The following SCHIP1 variants were observed in gnomAD, a reference collection of about 807,000 sequenced individuals.
SCHIP1 encodes the protein schwannomin interacting protein 1, also known as schwannomin-interacting protein 1.
Under a neutral mutation model 29.7 loss-of-function variants are expected in SCHIP1, and 8 were observed. The observed-to-expected ratio is 0.27, with a 90% CI of 0.16 to 0.49. SCHIP1 has a LOEUF of 0.49. Among genes scored for constraint, SCHIP1 ranks in the 20% least tolerant of loss-of-function variants. The pLI is 0.99. For synonymous variants in SCHIP1, 76 were observed against 94.9 expected, an observed-to-expected ratio of 0.80 and a Z score of 1.16; for missense variants, 193 against 294.6, an observed-to-expected ratio of 0.66 and a Z score of 2.52.
chr3:159,353,803 A>G, the SCHIP1 span, among the ~76,000 whole-genome samples: 1 of 152,196 alleles, frequency 6.6e-6, no homozygotes, highest in Non-Finnish European at 1.5e-5. Context: ...ATTTATTAAT[A>G]TTTATCTTCT....
the SCHIP1 span, among the ~76,000 whole-genome samples, chr3:159,701,894 T>C: frequency 6.6e-6 from 1 of 152,168 alleles, no homozygotes; most frequent in Non-Finnish European, 1.5e-5. Context: ...TAGTGGTTAC[T>C]AGCATGTTCT....
the SCHIP1 span, among the ~76,000 whole-genome samples, chr3:159,299,182 T>A: frequency 2.0e-5 from 3 of 152,202 alleles, no homozygotes; most frequent in African/African-American, 7.2e-5. Flanking sequence ...ACAAACAAGA[T>A]TATTTGGCTG....
the SCHIP1 span, among the ~76,000 whole-genome samples, chr3:159,554,377 G>A: frequency 6.6e-6 from 1 of 152,226 alleles, no homozygotes; most frequent in Non-Finnish European, 1.5e-5. Flanking sequence ...AGAGAAAAGG[G>A]ACTCACCAGC....
the SCHIP1 span, among the ~76,000 whole-genome samples, chr3:159,505,334 A>T: frequency 5.8e-4 from 89 of 152,206 alleles, no homozygotes; most frequent in Non-Finnish European, 1.1e-3. Context: ...TTTCCAAATA[A>T]TTTGGAAAGA....
chr3:159,887,504 GCTCT>G, intron 3 of SCHIP1, 200 bp from the exon 5 acceptor site: 2 of 591,398 alleles, frequency 3.4e-6, no homozygotes, highest in South Asian at 4.2e-5. Flanking sequence ...TAACTATACT[GCTCT>G]CTCTGTTTAT....
At chr3:159,679,412 G>C in the SCHIP1 span, among the ~76,000 whole-genome samples, 6 of 152,324 alleles carry the variant, frequency 3.9e-5, no homozygotes, top group East Asian at 1.9e-4. Flanking sequence ...GTGGGGAAGA[G>C]TAAACAAGTT....
chr3:159,492,281 C>T, the SCHIP1 span, among the ~76,000 whole-genome samples: 2 of 152,154 alleles, frequency 1.3e-5, no homozygotes, highest in Admixed American at 6.5e-5. Flanking sequence ...GAGAAGAAGG[C>T]TTCAGAAGAT....
At chr3:159,675,811 T>G in the SCHIP1 span, among the ~76,000 whole-genome samples, 1 of 152,168 alleles carries the variant, frequency 6.6e-6, no homozygotes, top group Admixed American at 6.5e-5. Context: ...CTTGGAGTCA[T>G]GTTTGGGCTC....
the SCHIP1 span, among the ~76,000 whole-genome samples, chr3:159,507,198 A>G: frequency 9.2e-5 from 14 of 151,974 alleles, no homozygotes; most frequent in Non-Finnish European, 1.5e-4. Flanking sequence ...TTGTAAGTTG[A>G]ATTCCTAGGT....
At chr3:159,803,536 A>G in the SCHIP1 span, among the ~76,000 whole-genome samples, 1 of 152,208 alleles carries the variant, frequency 6.6e-6, no homozygotes, top group African/African-American at 2.4e-5. Flanking sequence ...ACACTGCTTC[A>G]CTACAAATAA....
chr3:159,615,172 TA>T, the SCHIP1 span, among the ~76,000 whole-genome samples: 1 of 152,250 alleles, frequency 6.6e-6, no homozygotes, highest in South Asian at 2.1e-4. Context: ...GACAAATATC[TA>T]GACCCAAAAC....
the SCHIP1 span, among the ~76,000 whole-genome samples, chr3:159,626,146 A>ATC: frequency 7.7e-5 from 9 of 117,052 alleles, no homozygotes; most frequent in African/African-American, 4.5e-4. Flanking sequence ...AGATATATCT[A>ATC]GATATATATA....
the SCHIP1 span, among the ~76,000 whole-genome samples, chr3:159,287,898 A>G: frequency 2.0e-5 from 3 of 152,248 alleles, no homozygotes; most frequent in Non-Finnish European, 4.4e-5. Flanking sequence ...TGAAAATATT[A>G]AATTGTTTTC....
At chr3:159,519,861 GAAA>G in the SCHIP1 span, among the ~76,000 whole-genome samples, 18 of 146,358 alleles carry the variant, frequency 1.2e-4, no homozygotes, top group Admixed American at 6.1e-4. Flanking sequence ...CAGTCATGAA[GAAA>G]AAAAAAATAT....
At chr3:159,805,923 C>G in the SCHIP1 span, among the ~76,000 whole-genome samples, 3 of 151,916 alleles carry the variant, frequency 2.0e-5, no homozygotes, top group Non-Finnish European at 1.5e-5. Context: ...ATTCTCCTGC[C>G]TCAGCGTCCC....
At chr3:159,596,427 G>C in the SCHIP1 span, among the ~76,000 whole-genome samples, 1 of 152,104 alleles carries the variant, frequency 6.6e-6, no homozygotes, top group South Asian at 2.1e-4. Context: ...AATACCCTTT[G>C]ACCCAGCCAT....
At chr3:159,532,869 T>C in the SCHIP1 span, among the ~76,000 whole-genome samples, 1 of 152,202 alleles carries the variant, frequency 6.6e-6, no homozygotes, top group East Asian at 1.9e-4. Context: ...AGTTGTGTAT[T>C]GAGTGAGCTG....
chr3:159,407,985 G>A, the SCHIP1 span, among the ~76,000 whole-genome samples: 6 of 152,204 alleles, frequency 3.9e-5, no homozygotes, highest in East Asian at 1.2e-3. Flanking sequence ...AAAAGCAAGA[G>A]CAAAGCAAAC....
chr3:159,712,786 G>A, the SCHIP1 span, among the ~76,000 whole-genome samples: 3 of 150,478 alleles, frequency 2.0e-5, no homozygotes, highest in Non-Finnish European at 4.4e-5. Context: ...AGGAAGAAAG[G>A]AAGGAAGAAA....
Sources: allele counts gnomAD v4.1 joint callset (sites outside exome capture counted in the v4.1 genomes callset), GRCh38; gene constraint gnomAD v4.1.1; transcripts MANE v1.5; gene names NCBI Gene and HGNC (gene_info 2026-07-23, HGNC 2026-07-21).